Variants in SKAP2 observed in about 807,000 individuals in gnomAD.
SKAP2 encodes src kinase-associated phosphoprotein 2.
A neutral mutation model predicts 54.9 loss-of-function variants in SKAP2; 28 were observed. The observed-to-expected ratio is 0.51, with a 90% CI of 0.38 to 0.70. The LOEUF is 0.70. Ranked by LOEUF, SKAP2 falls within the 30% of genes least tolerant of loss-of-function variation. The probability of loss-of-function intolerance (pLI) is 0.00; values close to 1 mark genes in which losing one functional copy is unlikely to be tolerated. For synonymous variants in SKAP2, 137 were observed against 134.3 expected (o/e 1.02, Z -0.14); for missense variants, 356 against 424.1 (o/e 0.84, Z 1.41).
intron 4 of SKAP2, among the ~76,000 whole-genome samples, chr7:26,765,755 G>A (rs550790547): frequency 1.3e-5 from 2 of 152,194 alleles, no homozygotes; most frequent in African/African-American, 4.8e-5. Context: ...TTTTTGTCAG[G>A]TTTGTCAAAG....
At chr7:26,789,777 C>G (rs1783636149) in intron 4 of SKAP2, among the ~76,000 whole-genome samples, 5 of 152,050 alleles carry the variant, frequency 3.3e-5, no homozygotes. Context: ...TTTGTACAGT[C>G]AAAGTTGACT....
At chr7:26,758,237 C>A (rs990761521) in intron 4 of SKAP2, among the ~76,000 whole-genome samples, 1 of 150,856 alleles carries the variant, frequency 6.6e-6, no homozygotes, top group Non-Finnish European at 1.5e-5. Flanking sequence ...GGAACAACTT[C>A]GTTATAAGCA....
chr7:26,785,389 T>G (rs1031335643), intron 4 of SKAP2, among the ~76,000 whole-genome samples: 1 of 152,140 alleles, frequency 6.6e-6, no homozygotes, highest in African/African-American at 2.4e-5. Context: ...GGTTTCACCA[T>G]GTTAGCCAGG....
chr7:26,733,105 T>C (rs1787855463), intron 6 of SKAP2, among the ~76,000 whole-genome samples: 1 of 151,300 alleles, frequency 6.6e-6, no homozygotes, highest in Non-Finnish European at 1.5e-5. Flanking sequence ...CACTCTGGCC[T>C]GGGCAACAGA....
At chr7:26,707,014 G>A (rs977933695) in intron 9 of SKAP2, among the ~76,000 whole-genome samples, 9 of 152,114 alleles carry the variant, frequency 5.9e-5, no homozygotes, top group East Asian at 3.9e-4. Context: ...TAAATTCAGC[G>A]GCCATTTAAA....
chr7:26,729,824 CAT>C (rs1051894559), intron 6 of SKAP2, among the ~76,000 whole-genome samples: 1 of 152,062 alleles, frequency 6.6e-6, no homozygotes, highest in Non-Finnish European at 1.5e-5. Flanking sequence ...TAACCAAAGA[CAT>C]AATATAGCAA....
downstream of SKAP2, among the ~76,000 whole-genome samples, chr7:26,663,088 G>T (rs1162024999): frequency 6.6e-6 from 1 of 152,058 alleles, no homozygotes; most frequent in Non-Finnish European, 1.5e-5. Context: ...GGGTAATGCA[G>T]TCATTCACTC....
intron 4 of SKAP2, among the ~76,000 whole-genome samples, chr7:26,747,080 T>G (rs1782573554): frequency 6.6e-6 from 1 of 152,164 alleles, no homozygotes; most frequent in Non-Finnish European, 1.5e-5. Flanking sequence ...ATATTATATA[T>G]TCAACAGGCA....
intron 4 of SKAP2, among the ~76,000 whole-genome samples, chr7:26,828,104 G>T (rs919937820): frequency 2.0e-5 from 3 of 151,996 alleles, no homozygotes; most frequent in African/African-American, 7.3e-5. Flanking sequence ...AGATCCCACC[G>T]CTATAACTAT....
At chr7:26,850,630 C>T (rs925987290) in intron 3 of SKAP2, among the ~76,000 whole-genome samples, 3 of 151,074 alleles carry the variant, frequency 2.0e-5, no homozygotes, top group African/African-American at 7.3e-5. Context: ...AAAAAAGAAA[C>T]TAGGTTATTC....
the SKAP2 span, among the ~76,000 whole-genome samples, chr7:26,654,952 G>A: frequency 6.6e-6 from 1 of 152,192 alleles, no homozygotes; most frequent in Admixed American, 6.5e-5. Flanking sequence ...GGACCCGTTG[G>A]TGATATCAGG....
At chr7:26,824,353 T>C (rs557941612) in intron 4 of SKAP2, among the ~76,000 whole-genome samples, 3 of 152,076 alleles carry the variant, frequency 2.0e-5, no homozygotes, top group Admixed American at 1.3e-4. Context: ...GAATACAAAT[T>C]GGAAAAAGAG....
chr7:26,769,664 T>C (rs1783141225), intron 4 of SKAP2, among the ~76,000 whole-genome samples: 1 of 152,236 alleles, frequency 6.6e-6, no homozygotes. Context: ...TTTGTTGATG[T>C]TGAAGCCATT....
intron 4 of SKAP2, among the ~76,000 whole-genome samples, chr7:26,758,537 C>T (rs1782853952): frequency 6.6e-6 from 1 of 152,162 alleles, no homozygotes; most frequent in African/African-American, 2.4e-5. Context: ...AGTTTTCACT[C>T]TGCTTGAAAT....
chr7:26,678,150 A>G (rs573835485), intron 11 of SKAP2, among the ~76,000 whole-genome samples: 92 of 152,132 alleles, frequency 6.0e-4, no homozygotes, highest in Non-Finnish European at 1.0e-3. Context: ...TCTACTTCAC[A>G]GGGTTATTAT....
intron 9 of SKAP2, among the ~76,000 whole-genome samples, chr7:26,713,873 A>G (rs1787366502): frequency 6.6e-6 from 1 of 152,206 alleles, no homozygotes; most frequent in Admixed American, 6.5e-5. Context: ...TGCTGGGATT[A>G]CAGGCATGAG....
At chr7:26,726,087 T>C (rs571650718) in intron 7 of SKAP2, 101 bp from the exon 8 acceptor site, 7 of 731,942 alleles carry the variant, frequency 9.6e-6, no homozygotes, top group South Asian at 9.0e-5. Context: ...ATTCTTTTCA[T>C]GTCTAGTGGA....
rs189942543 is a variant in SKAP2 at position 26,765,387 on chromosome 7, G to T, written c.308-25423C>A. ...CCGGATATTAGCCCCCTGTCAGATG[G>T]ATTGCAAAAATTTTCTCCCATTCTG... On this transcript the variant is annotated intron_variant, in intron 4 of 12. Coordinates refer to ENST00000345317, the MANE Select transcript of SKAP2 (RefSeq NM_003930.5). Among the ~76,000 whole-genome samples, 214 of 152,088 alleles carry T rather than the reference G, an allele frequency of 1.4e-3. 1 individual carries two copies. The highest frequency in any genetic ancestry group is 2.5e-3 in the Non-Finnish European group (172 of 68,004).
chr7:26,715,260 C>T (rs539997767), intron 9 of SKAP2, among the ~76,000 whole-genome samples: 1 of 151,944 alleles, frequency 6.6e-6, no homozygotes, highest in African/African-American at 2.4e-5. Flanking sequence ...GTATGTGACT[C>T]TAAAAGTTTT....
Sources: allele counts gnomAD v4.1 joint callset (sites outside exome capture counted in the v4.1 genomes callset), GRCh38; gene constraint gnomAD v4.1.1; transcripts MANE v1.5; gene names NCBI Gene and HGNC (gene_info 2026-07-23, HGNC 2026-07-21).